Variants in HAS1 observed in about 807,000 individuals in gnomAD.
HAS1 encodes hyaluronan synthase 1.
Under a neutral mutation model 35.0 loss-of-function variants are expected in HAS1, and 27 were observed. The ratio of observed to expected loss-of-function variants is 0.77; its 90% CI spans 0.57 to 1.06. The LOEUF (loss-of-function observed/expected upper bound fraction) is 1.06. Among genes scored for constraint, HAS1 ranks in the 50% least tolerant of loss-of-function variants. The probability of loss-of-function intolerance (pLI) is 0.00; values close to 1 mark genes in which losing one functional copy is unlikely to be tolerated. For missense variants in HAS1, 940 were observed against 814.8 expected, an observed-to-expected ratio of 1.15 and a Z score of -1.87; for synonymous variants, 409 against 371.2, an observed-to-expected ratio of 1.10 and a Z score of -1.17.
Position 51,719,341 on chromosome 19 carries a change from C to A in HAS1, c.564G>T (p.Glu188Asp), listed in dbSNP as rs1217676447. Reference protein sequence around the residue: ...GAGAYREVEAEDPGRLAVEAL... With the variant: ...GAGAYREVEADDPGRLAVEAL... ...CCTCCACTGCCAGCCGCCCAGGATC[C>A]TCCGCCTCCACCTCCCGATAGGCTC... The change falls in exon 2 of 5, where the codon GAG becomes GAT. Residue 188 changes from glutamate to aspartate, a missense_variant. Transcript: ENST00000540069. 1.9e-6 allele frequency: 3 copies of A among 1,611,756 alleles called. No homozygotes were observed. In the African/African-American group the frequency reaches 4.0e-5, roughly 22 times the overall value.
chr19:51,723,337 A>T (rs904254382), intron 1 of HAS1, among the ~76,000 whole-genome samples: 1 of 152,184 alleles, frequency 6.6e-6, no homozygotes, highest in Non-Finnish European at 1.5e-5. Flanking sequence ...GGCCACAAAC[A>T]CACAGAGCCC....
At chr19:51,716,114 C>T in intron 4 of HAS1, 142 bp downstream of exon 4, 1 of 732,910 alleles carries the variant, frequency 1.4e-6, no homozygotes, top group Non-Finnish European at 2.3e-6. Context: ...TTATGGTATC[C>T]TCCTCTCTCC....
chr19:51,719,686 C>G lies in HAS1; in HGVS notation c.219G>C (p.Ala73=), dbSNP rs546971690. ...CCGCCACCCGCCGGTGCTCCAGGTACGCGAAGAGGCTCTGCGCCACCAGGT... is the reference window on the plus strand; with the variant it reads ...CCGCCACCCGCCGGTGCTCCAGGTAGGCGAAGAGGCTCTGCGCCACCAGGT... ...SAHLVAQSLF[A]YLEHRRVAAA... Residue 73 remains alanine, a synonymous_variant, in exon 2 of 5, where the codon GCG becomes GCC. Coordinates refer to ENST00000540069, the MANE Select transcript of HAS1 (RefSeq NM_001297436.2). 1.3e-6 allele frequency: 2 copies of G among 1,557,590 alleles called. No individual in the cohort carries two copies. The highest frequency in any genetic ancestry group is 2.4e-5 in the South Asian group (2 of 84,876).
chr19:51,714,233 C>G (rs2083568290), intron 4 of HAS1, 131 bp from the exon 5 acceptor site: 6 of 1,408,408 alleles, frequency 4.3e-6, no homozygotes, highest in Non-Finnish European at 5.7e-6. Context: ...CCTCAGTGTT[C>G]TCATGTGTAG....
chr19:51,717,597 C>G (rs2083596161), intron 2 of HAS1, among the ~76,000 whole-genome samples: 1 of 152,212 alleles, frequency 6.6e-6, no homozygotes, highest in Non-Finnish European at 1.5e-5. Flanking sequence ...CTGGGTGGGC[C>G]TGACCTAGTC....
At position 51,714,113 on chromosome 19, in the gene HAS1, G is replaced by T. The variant is rs1402243444; in HGVS notation, c.1059-11C>A. 1.9e-6 allele frequency: 3 copies of T among 1,608,056 alleles called. No individual in the cohort carries two copies. The highest frequency in any genetic ancestry group is 2.5e-6 in the Non-Finnish European group (3 of 1,177,574). On this transcript the variant is annotated splice_polypyrimidine_tract_variant and intron_variant, in intron 4 of 4. Coordinates refer to ENST00000540069, the MANE Select transcript of HAS1 (RefSeq NM_001297436.2). The stretch of plus-strand genomic sequence containing the variant: ...GACCTGGAGGTGTACCTGCACGGGG[G>T]CGAGGAATGAGGGCATCATCGCGTG...
At chr19:51,721,103 TC>T (rs1435962128) in intron 1 of HAS1, among the ~76,000 whole-genome samples, 1 of 152,194 alleles carries the variant, frequency 6.6e-6, no homozygotes, top group Non-Finnish European at 1.5e-5. Context: ...ACACAGAGGT[TC>T]AGCAATTTGC....
At position 51,716,904 on chromosome 19, in the gene HAS1, C is replaced by T. The variant is rs1165175916; in HGVS notation, c.925+64G>A. Reference sequence around the variant, plus strand: ...CCAACCCCAGTCACATCCTCAGCCCCATCCGGCTTCCCTTCTCCCTTTCCA... The same window carrying T: ...CCAACCCCAGTCACATCCTCAGCCCTATCCGGCTTCCCTTCTCCCTTTCCA... On this transcript the variant is annotated intron_variant, in intron 3 of 4. Transcript: ENST00000540069. 4 of 1,095,130 alleles carry T rather than the reference C, an allele frequency of 3.7e-6. No individual in the cohort carries two copies. In the African/African-American group the frequency reaches 4.6e-5, roughly 13 times the overall value. The allele number at this position is 1,095,130 out of a possible 1,614,324, so 67.8% of individuals were successfully genotyped here. A position where few individuals can be genotyped will look rare whatever the true frequency, so the allele number is the denominator to read the frequency against.
chr19:51,719,578 G>C lies in HAS1; in HGVS notation c.327C>G (p.Tyr109Ter). The C allele has an allele frequency of 1.3e-6, 2 of 1,544,030 alleles. No individual in the cohort carries two copies. Among genetic ancestry groups the C allele is most frequent in the Non-Finnish European group, 1.7e-6 (2 of 1,144,164 alleles). The part of the protein sequence containing the change: ...TISAYQEDPA[Y>*]LRQCLASARA... ...GGGCGGACGCCAGGCACTGGCGCAG[G>C]TACGCGGGGTCCTCCTGGTAGGCGG... The change falls in exon 2 of 5, where the codon TAC becomes TAG. Residue 109 changes from tyrosine to a stop codon, truncating the protein, a stop_gained. Coordinates refer to ENST00000540069, the MANE Select transcript of HAS1 (RefSeq NM_001297436.2). LOFTEE classifies it high-confidence loss of function.
Position 51,719,631 on chromosome 19 carries a change from T to G in HAS1, c.274A>C (p.Thr92Pro). Reference protein sequence around the residue: ...AAARGPLDAATARSVALTISA... With the variant: ...AAARGPLDAAPARSVALTISA... ...ATGGTCAGCGCCACACTGCGCGCGG[T>G]GGCTGCATCCAGCGGCCCCCGCGCC... The change falls in exon 2 of 5, where the codon ACC (threonine) becomes CCC (proline). Residue 92 changes from threonine to proline, a missense_variant. Transcript: ENST00000540069. 5.2e-6 allele frequency: 8 copies of G among 1,538,494 alleles called. No individual in the cohort carries two copies. Among genetic ancestry groups the G allele is most frequent in the Non-Finnish European group, 7.0e-6 (8 of 1,144,148 alleles).
At chr19:51,723,123 G>A (rs1051373232) in intron 1 of HAS1, among the ~76,000 whole-genome samples, 2 of 152,080 alleles carry the variant, frequency 1.3e-5, no homozygotes, top group Admixed American at 6.6e-5. Flanking sequence ...ATGAACACAC[G>A]TGTAGACACA....
At chr19:51,719,995 C>A in intron 1 of HAS1, 100 bp from the exon 2 acceptor site, 1 of 700,942 alleles carries the variant, frequency 1.4e-6, no homozygotes, top group Non-Finnish European at 2.3e-6. Flanking sequence ...CCCTCCTTCC[C>A]TTTCCCTCCC....
rs368990693 is a variant in HAS1 at position 51,716,400 on chromosome 19, G to A, written c.926-12C>T. 2 of 1,604,302 alleles carry A rather than the reference G, an allele frequency of 1.2e-6. No homozygotes were observed. The highest frequency in any genetic ancestry group is 1.7e-6 in the Non-Finnish European group (2 of 1,175,454). On this transcript the variant is annotated splice_polypyrimidine_tract_variant and intron_variant, in intron 3 of 4. Transcript: ENST00000540069. ...ATTCCTATATAGGCCTGGGTGGAGG[G>A]GAGGTGTGAAAGAGTGTCAGCCTCT... is the stretch of plus-strand genomic sequence containing the variant.
Position 51,714,079 on chromosome 19 carries a change from T to C in HAS1, c.1082A>G (p.Tyr361Cys), listed in dbSNP as rs1414043971. 6.2e-7 allele frequency: 1 copy of C among 1,612,850 alleles called. No homozygotes were observed. Among genetic ancestry groups the C allele is most frequent in the East Asian group, 2.2e-5 (1 of 44,850 alleles). The stretch of plus-strand genomic sequence containing the variant: ...CAGGAAGGACGAGGGCGTCTCTGAG[T>C]AGCAGCGGGACCTGGAGGTGTACCT... ...ATKYTSRSRC[Y>C]SETPSSFLRW... The change falls in exon 5 of 5, where the codon TAC (tyrosine) becomes TGC (cysteine). Residue 361 changes from tyrosine (Y) to cysteine (C), a missense_variant. Physicochemically the swap from Tyr to Cys is radical, Grantham distance 194. Coordinates refer to ENST00000540069, the MANE Select transcript of HAS1 (RefSeq NM_001297436.2).
At chr19:51,720,674 A>C (rs1203016913) in intron 1 of HAS1, among the ~76,000 whole-genome samples, 1 of 151,126 alleles carries the variant, frequency 6.6e-6, no homozygotes, top group Non-Finnish European at 1.5e-5. Flanking sequence ...AAAAAAAAAC[A>C]ATTAGAGGAG....
intron 3 of HAS1, among the ~76,000 whole-genome samples, 185 bp downstream of exon 3, chr19:51,716,783 C>T (rs535917136): frequency 1.3e-4 from 20 of 152,204 alleles, no homozygotes; most frequent in East Asian, 1.2e-3. Context: ...CAACCTCACT[C>T]CCCACACCAA....
chr19:51,723,508 C>T (rs1487054133), intron 1 of HAS1, among the ~76,000 whole-genome samples: 5 of 152,136 alleles, frequency 3.3e-5, no homozygotes, highest in African/African-American at 4.8e-5. Context: ...AGCTATTGAA[C>T]GCATGAAACA....
rs1332121888 is a variant in HAS1, at chr19:51,719,647, C to A, written c.258G>T (p.Gly86=). The change falls in exon 2 of 5, where the codon GGG becomes GGT. Residue 86 remains glycine (G), a synonymous_variant. Transcript: ENST00000540069. The part of the protein sequence containing the change: ...EHRRVAAAAR[G]PLDAATARSV... ...TGCGCGCGGTGGCTGCATCCAGCGGCCCCCGCGCCGCCGCCGCCACCCGCC... is the reference window on the plus strand; with the variant it reads ...TGCGCGCGGTGGCTGCATCCAGCGGACCCCGCGCCGCCGCCGCCACCCGCC... The A allele has an allele frequency of 1.3e-6, 2 of 1,538,994 alleles. No homozygotes were observed. The highest frequency in any genetic ancestry group is 5.0e-5 in the East Asian group (2 of 40,350).
At chr19:51,718,760 C>T (rs1198998857) in intron 2 of HAS1, among the ~76,000 whole-genome samples, 1 of 152,186 alleles carries the variant, frequency 6.6e-6, no homozygotes, top group Non-Finnish European at 1.5e-5. Context: ...TAGTCTAGAA[C>T]TCCTGACCTC....
Sources: allele counts gnomAD v4.1 joint callset (sites outside exome capture counted in the v4.1 genomes callset), GRCh38; gene constraint gnomAD v4.1.1; transcripts MANE v1.5; gene names NCBI Gene and HGNC (gene_info 2026-07-23, HGNC 2026-07-21).